Variants in NTM observed in about 807,000 individuals in gnomAD.
NTM encodes the protein neurotrimin, also known as IgLON family member 2.
Under a neutral mutation model 42.1 loss-of-function variants are expected in NTM, and 13 were observed. The ratio of observed to expected loss-of-function variants is 0.31; its 90% CI spans 0.20 to 0.49. The LOEUF is 0.49. Among genes scored for constraint, NTM ranks in the 20% least tolerant of loss-of-function variants. The pLI is 0.99. For missense variants in NTM, 373 were observed against 452.8 expected (o/e 0.82, Z 1.60); for synonymous variants, 187 against 179.2 (o/e 1.04, Z -0.35).
intron 2 of NTM, among the ~76,000 whole-genome samples, chr11:132,048,818 CTTTTTTTTTTT>C (rs10563617): frequency 7.5e-6 from 1 of 133,002 alleles, no homozygotes; most frequent in Non-Finnish European, 1.6e-5. Flanking sequence ...TTTCTTTTTT[CTTTTTTTTTTT>C]TTTTTTTTAT....
chr11:131,804,097 C>T (rs902171714), intron 1 of NTM, among the ~76,000 whole-genome samples: 4 of 152,070 alleles, frequency 2.6e-5, no homozygotes, highest in African/African-American at 9.7e-5. Flanking sequence ...TATTTCGTAC[C>T]ACTCCTTTTC....
intron 1 of NTM, among the ~76,000 whole-genome samples, chr11:131,452,575 G>A (rs1950563907): frequency 6.6e-6 from 1 of 152,186 alleles, no homozygotes; most frequent in Admixed American, 6.5e-5. Context: ...TGATGATATG[G>A]GAAAATGTCC....
chr11:132,334,920 A>T (rs552818386), intron 8 of NTM, 126 bp from the exon 9 acceptor site: 7 of 1,468,494 alleles, frequency 4.8e-6, no homozygotes, highest in Non-Finnish European at 6.4e-6. Context: ...GGGCTGGAAC[A>T]CCATGTGTTT....
intron 2 of NTM, among the ~76,000 whole-genome samples, chr11:132,119,368 C>T (rs935569561): frequency 4.8e-5 from 7 of 145,364 alleles, no homozygotes; most frequent in South Asian, 2.2e-4. Context: ...GGGACATGTG[C>T]GCTTGACATC....
intron 1 of NTM, among the ~76,000 whole-genome samples, chr11:131,634,765 C>T (rs2064157555): frequency 6.6e-6 from 1 of 152,002 alleles, no homozygotes; most frequent in Non-Finnish European, 1.5e-5. Flanking sequence ...GCTTCTGTTT[C>T]TGTCTTTGTA....
intron 1 of NTM, among the ~76,000 whole-genome samples, chr11:131,572,314 C>A (rs930251058): frequency 6.6e-6 from 1 of 152,152 alleles, no homozygotes; most frequent in Non-Finnish European, 1.5e-5. Context: ...CATCCCAGAA[C>A]CCAGGATCCT....
intron 4 of NTM, among the ~76,000 whole-genome samples, chr11:132,230,618 G>C (rs2087335574): frequency 1.3e-5 from 2 of 152,220 alleles, no homozygotes; most frequent in Non-Finnish European, 2.9e-5. Flanking sequence ...CCCTCTCTGA[G>C]CCTTCGCCAT....
intron 6 of NTM, among the ~76,000 whole-genome samples, chr11:132,313,233 T>G (rs979645511): frequency 6.6e-6 from 1 of 152,080 alleles, no homozygotes; most frequent in Non-Finnish European, 1.5e-5. Context: ...TAGAAATACA[T>G]TATACTGATG....
intron 2 of NTM, among the ~76,000 whole-genome samples, chr11:132,070,743 A>C (rs5027671): frequency 1.3e-3 from 164 of 121,848 alleles, no homozygotes; most frequent in African/African-American, 1.6e-3. Context: ...TAACACGTCA[A>C]ACTGACCGTC....
chr11:132,190,751 A>AG (rs999387308), intron 3 of NTM, among the ~76,000 whole-genome samples: 13 of 151,266 alleles, frequency 8.6e-5, no homozygotes, highest in South Asian at 6.3e-4. Context: ...AAAAAAAAAA[A>AG]AAAGAGACAG....
intron 4 of NTM, among the ~76,000 whole-genome samples, chr11:132,226,480 A>G (rs576585434): frequency 2.4e-4 from 36 of 152,150 alleles, no homozygotes; most frequent in South Asian, 6.2e-4. Flanking sequence ...GGTTTTTTTC[A>G]TATGTTTATT....
At chr11:131,568,284 T>C (rs562841904) in intron 1 of NTM, among the ~76,000 whole-genome samples, 2 of 152,314 alleles carry the variant, frequency 1.3e-5, no homozygotes, top group South Asian at 4.1e-4. Flanking sequence ...CAGTAAATCT[T>C]CACAGTCCTC....
chr11:132,075,012 A>C (rs1451976789), intron 2 of NTM, among the ~76,000 whole-genome samples: 1 of 152,248 alleles, frequency 6.6e-6, no homozygotes, highest in African/African-American at 2.4e-5. Context: ...ATAAAGATGC[A>C]TACAGGGAAT....
At chr11:131,678,563 C>G (rs1406234058) in intron 1 of NTM, among the ~76,000 whole-genome samples, 1 of 152,206 alleles carries the variant, frequency 6.6e-6, no homozygotes, top group African/African-American at 2.4e-5. Flanking sequence ...GCAGGAAAGG[C>G]CTGACTACTG....
intron 1 of NTM, among the ~76,000 whole-genome samples, chr11:131,862,565 A>C (rs1246373473): frequency 1.3e-5 from 2 of 152,150 alleles, no homozygotes; most frequent in Non-Finnish European, 2.9e-5. Context: ...TTTTTGTTTG[A>C]TGGTAAGGTT....
chr11:131,552,843 A>C (rs2054892938), intron 1 of NTM, among the ~76,000 whole-genome samples: 1 of 152,140 alleles, frequency 6.6e-6, no homozygotes, highest in Non-Finnish European at 1.5e-5. Flanking sequence ...AATAGCCTCA[A>C]GGTAGAAACA....
chr11:132,224,281 G>A (rs558214678), intron 4 of NTM, among the ~76,000 whole-genome samples: 1 of 152,260 alleles, frequency 6.6e-6, no homozygotes, highest in East Asian at 1.9e-4. Context: ...AGTTCAGGGA[G>A]CACTCTGCCT....
rs144783107 is a variant in NTM, at chr11:131,601,364, G to A, written c.82+230476G>A. On this transcript the variant is annotated intron_variant, in intron 1 of 8. Coordinates refer to ENST00000683400, the MANE Select transcript of NTM (RefSeq NM_001352005.2). ...TTGGCAGAGTCATCTGACCTCTCTG[G>A]GTCTCTCTGCATTTTAATAATGAAC... Among the ~76,000 whole-genome samples the A allele has an allele frequency of 2.4e-4, 36 of 152,130 alleles. No individual in the cohort carries two copies. In the East Asian group the frequency reaches 5.8e-3, roughly 25 times the overall value.
chr11:132,134,705 GTATATATATATATATA>G (rs57297229), intron 2 of NTM, among the ~76,000 whole-genome samples: 1,863 of 75,864 alleles, frequency 0.025, 216 homozygotes, highest in African/African-American at 0.05. Flanking sequence ...GTATTCCATG[GTATATATATATATATA>G]TATATATATA....
Sources: gnomAD v4.1 joint callset for allele counts (sites outside exome capture counted in the v4.1 genomes callset) on GRCh38, gnomAD v4.1.1 for gene constraint, MANE v1.5 for transcripts, NCBI Gene and HGNC (gene_info 2026-07-23, HGNC 2026-07-21) for gene names.